Variants in GRHL1 observed in about 807,000 individuals in gnomAD.
GRHL1 encodes the protein grainyhead like transcription factor 1.
GRHL1 carries 38 observed loss-of-function variants against 75.7 expected under a neutral mutation model. The observed-to-expected ratio is 0.50, with a 90% CI of 0.39 to 0.66. The LOEUF (loss-of-function observed/expected upper bound fraction) is 0.66. Among genes scored for constraint, GRHL1 ranks in the 30% least tolerant of loss-of-function variants. The pLI is 0.00. For synonymous variants in GRHL1, 266 were observed against 279.4 expected (o/e 0.95, Z 0.48); for missense variants, 589 against 767.5 (o/e 0.77, Z 2.75).
intron 8 of GRHL1, among the ~76,000 whole-genome samples, chr2:9,972,664 G>A (rs1294122550): frequency 3.3e-5 from 5 of 152,158 alleles, no homozygotes; most frequent in East Asian, 1.9e-4. Context: ...CCTGCCTGCC[G>A]TGTTCCGTGC....
At position 9,978,807 on chromosome 2, in the gene GRHL1, A is replaced by G. The variant is rs182576196; in HGVS notation, c.1111-7317A>G. Among the ~76,000 whole-genome samples, 117 of 152,264 alleles carry G rather than the reference A, an allele frequency of 7.7e-4. 1 individual carries two copies. Among genetic ancestry groups the G allele is most frequent in the African/African-American group, 2.6e-3 (110 of 41,544 alleles). Reference sequence around the variant, plus strand: ...GGAGTTTGAGACCAGCCTGGCCAACATGGTGACGCCCCGTCTCTACTAAAA... The same window carrying G: ...GGAGTTTGAGACCAGCCTGGCCAACGTGGTGACGCCCCGTCTCTACTAAAA... On this transcript the variant is annotated intron_variant, in intron 8 of 15. Transcript: ENST00000324907.
intron 8 of GRHL1, among the ~76,000 whole-genome samples, chr2:9,982,890 AAT>A (rs1668257703): frequency 6.6e-6 from 1 of 152,250 alleles, no homozygotes; most frequent in South Asian, 2.1e-4. Context: ...ATCCTTTGTC[AAT>A]ATAAGTATAT....
At chr2:9,998,054 G>T (rs990424917) in intron 14 of GRHL1, among the ~76,000 whole-genome samples, 1 of 152,100 alleles carries the variant, frequency 6.6e-6, no homozygotes, top group African/African-American at 2.4e-5. Context: ...TCTGAAACAC[G>T]TGTTTGGAAG....
At chr2:9,984,270 A>G (rs926145739) in intron 8 of GRHL1, among the ~76,000 whole-genome samples, 6 of 152,146 alleles carry the variant, frequency 3.9e-5, no homozygotes, top group Non-Finnish European at 8.8e-5. Flanking sequence ...TGGTGGACCC[A>G]TTCTTGGCTG....
At chr2:9,956,254 G>A (rs1431552655) in intron 2 of GRHL1, among the ~76,000 whole-genome samples, 2 of 152,112 alleles carry the variant, frequency 1.3e-5, no homozygotes, top group Non-Finnish European at 2.9e-5. Context: ...CTTAATACAA[G>A]AAATACAGAG....
At chr2:9,956,323 C>T (rs1025705174) in intron 2 of GRHL1, among the ~76,000 whole-genome samples, 2 of 152,058 alleles carry the variant, frequency 1.3e-5, no homozygotes, top group African/African-American at 4.8e-5. Context: ...GCCTGAGCAA[C>T]ATGATGAGGC....
intron 8 of GRHL1, among the ~76,000 whole-genome samples, chr2:9,982,567 G>C (rs1341957796): frequency 6.6e-6 from 1 of 152,228 alleles, no homozygotes; most frequent in Non-Finnish European, 1.5e-5. Context: ...TGAAACTTTA[G>C]TGTGCATAGA....
At chr2:9,988,799 G>T (rs533013620) in intron 9 of GRHL1, among the ~76,000 whole-genome samples, 45 of 152,050 alleles carry the variant, frequency 3.0e-4, no homozygotes, top group Non-Finnish European at 5.1e-4. Context: ...TCTGCATTTC[G>T]TCTGGTTTTT....
At chr2:9,971,685 C>G (rs1337315598) in intron 8 of GRHL1, among the ~76,000 whole-genome samples, 1 of 152,148 alleles carries the variant, frequency 6.6e-6, no homozygotes, top group Non-Finnish European at 1.5e-5. Context: ...TCGAGATAGT[C>G]ACATTCCTTT....
chr2:9,963,898 A>G lies in GRHL1; in HGVS notation c.759A>G (p.Glu253=), dbSNP rs755642418. The G allele has an allele frequency of 9.3e-6, 15 of 1,612,096 alleles. No homozygotes were observed. Among genetic ancestry groups the G allele is most frequent in the East Asian group, 2.2e-5 (1 of 44,878 alleles). ...TTTTGTCCTTTAGGAACAACTTTGA[A>G]TATACCCTAGAAGCTTCAAAATCAC... The part of the protein sequence containing the change: ...VFDSVSGNNF[E]YTLEASKSLR... The change falls in exon 6 of 16, where the codon GAA becomes GAG. Residue 253 remains glutamate (E), a synonymous_variant. Coordinates refer to ENST00000324907, the MANE Select transcript of GRHL1 (RefSeq NM_198182.3).
chr2:9,981,933 C>T (rs1277492228), intron 8 of GRHL1, among the ~76,000 whole-genome samples: 1 of 152,216 alleles, frequency 6.6e-6, no homozygotes, highest in East Asian at 1.9e-4. Flanking sequence ...AGTTCATCCA[C>T]AAATGCAAAT....
At chr2:9,980,112 A>G (rs1668134503) in intron 8 of GRHL1, among the ~76,000 whole-genome samples, 1 of 151,632 alleles carries the variant, frequency 6.6e-6, no homozygotes, top group African/African-American at 2.4e-5. Flanking sequence ...CCTGCTGTGA[A>G]ATGAACCTCT....
rs537881398 is a variant in GRHL1, at chr2:9,994,233, C to T, written c.1499+989C>T. ...AGTCACAGCTCACTGCAGCCTTGAG[C>T]TTCTGGGCTTAAGTGATCCTCCTGC... On this transcript the variant is annotated intron_variant, in intron 12 of 15. Coordinates refer to ENST00000324907, the MANE Select transcript of GRHL1 (RefSeq NM_198182.3). Among the ~76,000 whole-genome samples the T allele has an allele frequency of 3.3e-5, 5 of 152,162 alleles. No individual in the cohort carries two copies. The South Asian group carries it at 8.3e-4, about 25-fold the overall frequency.
chr2:9,984,865 C>T (rs1668350204), intron 8 of GRHL1, among the ~76,000 whole-genome samples: 1 of 151,060 alleles, frequency 6.6e-6, no homozygotes, highest in Non-Finnish European at 1.5e-5. Context: ...AGTTGGAGAC[C>T]AGCCTGGGCA....
At chr2:9,952,711 A>T (rs1666844855) in intron 1 of GRHL1, among the ~76,000 whole-genome samples, 1 of 152,246 alleles carries the variant, frequency 6.6e-6, no homozygotes, top group Non-Finnish European at 1.5e-5. Context: ...AAATTTTAAA[A>T]ACTTACTAAA....
At chr2:9,991,232 C>CT (rs914061414) in intron 10 of GRHL1, among the ~76,000 whole-genome samples, 41 of 148,320 alleles carry the variant, frequency 2.8e-4, no homozygotes, top group African/African-American at 7.9e-4. Context: ...GCTTTGTTTT[C>CT]TTTTTTTTTT....
intron 1 of GRHL1, among the ~76,000 whole-genome samples, chr2:9,953,347 C>G (rs2125199315): frequency 1.3e-5 from 2 of 152,370 alleles, no homozygotes; most frequent in Admixed American, 1.3e-4. Flanking sequence ...ATCAGTCAAT[C>G]AGTCCATGGC....
Position 9,962,465 on chromosome 2 carries a change from C to T in GRHL1, c.680C>T (p.Pro227Leu). The change falls in exon 5 of 16, where the codon CCC becomes CTC. Residue 227 changes from proline to leucine, a missense_variant. By Grantham distance (98) the Pro-to-Leu change is moderately conservative. Coordinates refer to ENST00000324907, the MANE Select transcript of GRHL1 (RefSeq NM_198182.3). ...ACATTGATATTTCAGGTTTTCTTCC[C>T]CTCGGATCTCAGTCTGCGGATGCCT... Reference protein sequence around the residue: ...FKEGVQEVFFPSDLSLRMPGM... With the variant: ...FKEGVQEVFFLSDLSLRMPGM... The T allele has an allele frequency of 1.3e-6, 2 of 1,594,918 alleles. No homozygotes were observed. Among genetic ancestry groups the T allele is most frequent in the East Asian group, 2.2e-5 (1 of 44,780 alleles).
intron 2 of GRHL1, among the ~76,000 whole-genome samples, chr2:9,956,509 G>T (rs1667029061): frequency 6.7e-6 from 1 of 148,898 alleles, no homozygotes; most frequent in East Asian, 1.9e-4. Flanking sequence ...CTGGGTGACA[G>T]AGACAGACCC....
Sources: allele counts gnomAD v4.1 joint callset (sites outside exome capture counted in the v4.1 genomes callset), GRCh38; gene constraint gnomAD v4.1.1; transcripts MANE v1.5; gene names NCBI Gene and HGNC (gene_info 2026-07-23, HGNC 2026-07-21).